Variants in CSMD3 observed in about 807,000 individuals in gnomAD.
The protein encoded by CSMD3 is CUB and Sushi multiple domains 3, also known as CUB and sushi domain-containing protein 3.
In CSMD3, 177 loss-of-function variants were observed where a neutral mutation model predicts 435.2. That is an observed-to-expected ratio of 0.41 (90% CI 0.36 to 0.46). CSMD3 has a LOEUF of 0.46. Ranked by LOEUF, CSMD3 falls within the 20% of genes least tolerant of loss-of-function variation. CSMD3 has a pLI of 0.34. For missense variants in CSMD3, 4,265 were observed against 4,504.6 expected, an observed-to-expected ratio of 0.95 and a Z score of 1.52; for synonymous variants, 1,656 against 1,520.5, an observed-to-expected ratio of 1.09 and a Z score of -2.07.
Position 112,406,664 on chromosome 8 carries a change from A to T in CSMD3, c.5669T>A (p.Ile1890Asn), listed in dbSNP as rs1179616083. ...TGAACCGACTGCAAATTCATTGCCA[A>T]TTCTTCTTCCGAATCTTGGTTCAGG... Reference protein sequence around the residue: ...SVPEPRFGRRIGNEFAVGSSV... With the variant: ...SVPEPRFGRRNGNEFAVGSSV... The change falls in exon 35 of 71, where the codon ATT becomes AAT. Residue 1890 changes from isoleucine (I) to asparagine (N), a missense_variant. Physicochemically the swap from Ile to Asn is moderately radical, Grantham distance 149. Around this residue, in one of 3 missense-constraint regions of CSMD3, gnomAD observed 3,255 missense variants for 3,380.2 expected, o/e 0.96. Coordinates refer to ENST00000297405, the MANE Select transcript of CSMD3 (RefSeq NM_198123.2). 3.1e-6 allele frequency: 5 copies of T among 1,612,204 alleles called. No individual in the cohort carries two copies. Among genetic ancestry groups the T allele is most frequent in the Non-Finnish European group, 4.2e-6 (5 of 1,178,760 alleles).
intron 1 of CSMD3, among the ~76,000 whole-genome samples, chr8:113,378,448 TGTG>T (rs1393029334): frequency 6.6e-6 from 1 of 152,172 alleles, no homozygotes; most frequent in African/African-American, 2.4e-5. Flanking sequence ...AATTATATAT[TGTG>T]GTAAGTTATA....
At chr8:112,582,647 C>A (rs1830418617) in intron 23 of CSMD3, among the ~76,000 whole-genome samples, 1 of 151,884 alleles carries the variant, frequency 6.6e-6, no homozygotes, top group Non-Finnish European at 1.5e-5. Flanking sequence ...GAAAAAGGGT[C>A]ACTTTTGTTG....
chr8:112,278,929 C>G (rs1818348791), intron 59 of CSMD3, among the ~76,000 whole-genome samples: 1 of 151,932 alleles, frequency 6.6e-6, no homozygotes, highest in African/African-American at 2.4e-5. Context: ...TTGGAACTCT[C>G]TGGAGGAAGA....
At chr8:112,759,033 C>T (rs1056718080) in intron 13 of CSMD3, among the ~76,000 whole-genome samples, 2 of 151,900 alleles carry the variant, frequency 1.3e-5, no homozygotes, top group African/African-American at 2.4e-5. Flanking sequence ...AGCATGTTTT[C>T]GAAGATATAT....
At chr8:113,050,248 A>G (rs2088029824) in intron 5 of CSMD3, among the ~76,000 whole-genome samples, 1 of 152,030 alleles carries the variant, frequency 6.6e-6, no homozygotes, top group Admixed American at 6.6e-5. Flanking sequence ...GTGTGGGTGT[A>G]TATACATATA....
At chr8:113,106,898 C>T (rs1236169808) in intron 4 of CSMD3, among the ~76,000 whole-genome samples, 1 of 151,900 alleles carries the variant, frequency 6.6e-6, no homozygotes, top group Non-Finnish European at 1.5e-5. Context: ...CACATGTGTT[C>T]ACCCATTGAA....
At chr8:112,744,702 A>G (rs2132071483) in intron 13 of CSMD3, among the ~76,000 whole-genome samples, 1 of 152,178 alleles carries the variant, frequency 6.6e-6, no homozygotes, top group East Asian at 1.9e-4. Flanking sequence ...GGCGTAGGTG[A>G]CAAAATAAAA....
At chr8:113,271,421 T>G (rs569877215) in intron 3 of CSMD3, among the ~76,000 whole-genome samples, 1 of 152,232 alleles carries the variant, frequency 6.6e-6, no homozygotes, top group South Asian at 2.1e-4. Context: ...AGGGACTTGG[T>G]GCTCTGCGTC....
chr8:113,258,351 G>A (rs775694777), intron 3 of CSMD3, among the ~76,000 whole-genome samples: 8 of 152,232 alleles, frequency 5.3e-5, no homozygotes, highest in Non-Finnish European at 8.8e-5. Context: ...CTGACACTGT[G>A]GCAGAGACTG....
intron 4 of CSMD3, among the ~76,000 whole-genome samples, chr8:113,164,263 T>C (rs1263621009): frequency 6.6e-6 from 1 of 151,938 alleles, no homozygotes; most frequent in Non-Finnish European, 1.5e-5. Context: ...TATATCATAT[T>C]TTTTGCTGCA....
intron 38 of CSMD3, among the ~76,000 whole-genome samples, chr8:112,366,269 C>T (rs543026626): frequency 6.6e-6 from 1 of 152,264 alleles, no homozygotes; most frequent in Admixed American, 6.5e-5. Flanking sequence ...AGACAGTTAA[C>T]CAAAGCTTTT....
intron 5 of CSMD3, among the ~76,000 whole-genome samples, chr8:113,043,340 T>G (rs528693101): frequency 7.2e-5 from 11 of 152,190 alleles, no homozygotes; most frequent in Non-Finnish European, 1.5e-4. Flanking sequence ...TTTATTCTTT[T>G]TGTAGAATGT....
At chr8:113,312,930 T>C (rs935958108) in intron 2 of CSMD3, 3 of 151,898 alleles carry the variant, frequency 2.0e-5, no homozygotes, top group Admixed American at 6.6e-5. Context: ...GGTAAACGAG[T>C]ATAGAGGAAA....
intron 5 of CSMD3, among the ~76,000 whole-genome samples, chr8:113,055,449 A>C (rs1453813156): frequency 1.3e-5 from 2 of 152,198 alleles, no homozygotes; most frequent in African/African-American, 2.4e-5. Flanking sequence ...CCTGAGACTT[A>C]GTCATAGGAG....
chr8:112,700,045 T>C (rs1243848798), intron 13 of CSMD3, among the ~76,000 whole-genome samples: 1 of 152,198 alleles, frequency 6.6e-6, no homozygotes, highest in East Asian at 1.9e-4. Flanking sequence ...GTTGATTTTC[T>C]GATTTGTATG....
intron 57 of CSMD3, 108 bp downstream of exon 57, chr8:112,289,257 A>C (rs985912952): frequency 1.0e-6 from 1 of 958,110 alleles, no homozygotes; most frequent in African/African-American, 1.6e-5. Flanking sequence ...GATTTTTCAG[A>C]GAGAAATATA....
chr8:112,889,444 T>G (rs1177759192), intron 10 of CSMD3, among the ~76,000 whole-genome samples: 1 of 151,554 alleles, frequency 6.6e-6, no homozygotes. Flanking sequence ...AAAAAGGAAG[T>G]TTGGGCTTTA....
intron 6 of CSMD3, among the ~76,000 whole-genome samples, chr8:113,016,052 G>T (rs934469371): frequency 6.6e-6 from 1 of 151,684 alleles, no homozygotes; most frequent in Admixed American, 6.6e-5. Context: ...GAATTTGTGG[G>T]GGCAGAGTTA....
chr8:112,775,396 TTG>T (rs1319203300), intron 13 of CSMD3, among the ~76,000 whole-genome samples: 3 of 151,914 alleles, frequency 2.0e-5, no homozygotes, highest in African/African-American at 7.2e-5. Context: ...ATCACATAAA[TTG>T]TGATTTAAAT....
Sources: gnomAD v4.1 joint callset for allele counts (sites outside exome capture counted in the v4.1 genomes callset) on GRCh38, gnomAD v4.1.1 for gene constraint, gnomAD v4.1.1 regional missense constraint, MANE v1.5 for transcripts, NCBI Gene and HGNC (gene_info 2026-07-23, HGNC 2026-07-21) for gene names.